The following NEMP2 variants were observed in gnomAD, a reference collection of about 807,000 sequenced individuals.
NEMP2 encodes nuclear envelope integral membrane protein 2.
Under a neutral mutation model 54.2 loss-of-function variants are expected in NEMP2, and 53 were observed. That is an observed-to-expected ratio of 0.98 (90% CI 0.78 to 1.23). NEMP2 has a LOEUF of 1.23. NEMP2 is among the 50% of genes most tolerant of loss of function. NEMP2 has a pLI of 0.00. For synonymous variants in NEMP2, 197 were observed against 190.3 expected (o/e 1.04, Z -0.29); for missense variants, 455 against 511.3 (o/e 0.89, Z 1.06).
At chr2:190,648,315 G>A in the NEMP2 span, 1 of 152,298 alleles carries the variant, frequency 6.6e-6, no homozygotes, top group Non-Finnish European at 1.5e-5. Context: ...GAGGTGGGGA[G>A]GGGGCAAGAT....
rs1690249841 is a variant in NEMP2, at chr2:190,508,582, A to G, written c.*607T>C. 1 of 152,286 alleles carries G rather than the reference A, an allele frequency of 6.6e-6. No homozygotes were observed. Among genetic ancestry groups the G allele is most frequent in the Non-Finnish European group, 1.5e-5 (1 of 68,066 alleles). 9.4% of individuals were successfully genotyped at this position (152,286 alleles called of 1,614,324 possible). ...GTCAAATTAAGCAAGAAACTGCAGC[A>G]CACAATTTCTCCCCTTTGGGAGATT... On this transcript the variant is annotated 3_prime_UTR_variant, in exon 9 of 9. Coordinates refer to ENST00000409150, the MANE Select transcript of NEMP2 (RefSeq NM_001142645.2). This position sits in a 1 kb window ranked among gnomAD's most constrained non-coding sequence, Gnocchi z 4.3.
At chr2:190,450,676 A>C in the NEMP2 span, among the ~76,000 whole-genome samples, 1 of 151,602 alleles carries the variant, frequency 6.6e-6, no homozygotes, top group Non-Finnish European at 1.5e-5. Context: ...TATTTTTTGT[A>C]GAGACGAGGT....
chr2:190,574,881 G>A, the NEMP2 span, among the ~76,000 whole-genome samples: 1 of 139,424 alleles, frequency 7.2e-6, no homozygotes, highest in Admixed American at 7.8e-5. Flanking sequence ...CTTTCACAGA[G>A]TCTCACGCTG....
chr2:190,547,098 G>A, the NEMP2 span, among the ~76,000 whole-genome samples: 23 of 152,282 alleles, frequency 1.5e-4, no homozygotes, highest in Admixed American at 6.5e-4. This position sits in a 1 kb window ranked among gnomAD's most constrained non-coding sequence, Gnocchi z 6.2. Context: ...TCACCTTCTC[G>A]TCAGACTCCT....
the NEMP2 span, among the ~76,000 whole-genome samples, chr2:190,556,251 A>C: frequency 6.6e-6 from 1 of 152,238 alleles, no homozygotes; most frequent in African/African-American, 2.4e-5. Flanking sequence ...CAATAGATGC[A>C]GAAAAGGCCT....
the NEMP2 span, among the ~76,000 whole-genome samples, chr2:190,482,605 TATA>T: frequency 9.2e-5 from 14 of 152,184 alleles, no homozygotes; most frequent in Non-Finnish European, 1.9e-4. Flanking sequence ...TCCCAGCCAT[TATA>T]ATGTGATTTC....
the NEMP2 span, among the ~76,000 whole-genome samples, chr2:190,481,751 G>C: frequency 2.0e-5 from 3 of 152,144 alleles, no homozygotes; most frequent in Admixed American, 2.0e-4. Context: ...TACATCAATA[G>C]GTGTGGGAAT....
chr2:190,559,959 T>A, the NEMP2 span, among the ~76,000 whole-genome samples: 1 of 152,156 alleles, frequency 6.6e-6, no homozygotes, highest in Non-Finnish European at 1.5e-5. The surrounding 1 kb of genome is among the most constrained non-coding windows in gnomAD (Gnocchi z 4.0). Context: ...AGAAGCTCAG[T>A]CCTAAAAGGG....
chr2:190,546,587 A>G, the NEMP2 span, among the ~76,000 whole-genome samples: 3 of 152,276 alleles, frequency 2.0e-5, no homozygotes, highest in East Asian at 5.8e-4. This position sits in a 1 kb window ranked among gnomAD's most constrained non-coding sequence, Gnocchi z 5.1. Flanking sequence ...TTTTGCTTAC[A>G]CTATGCAAAG....
At chr2:190,632,796 T>TA in the NEMP2 span, among the ~76,000 whole-genome samples, 65 of 151,584 alleles carry the variant, frequency 4.3e-4, no homozygotes, top group Non-Finnish European at 8.0e-4. The surrounding 1 kb of genome is among the most constrained non-coding windows in gnomAD (Gnocchi z 4.8). Context: ...TTATGTCAAT[T>TA]AAAAAAAAAT....
At chr2:190,422,711 G>T in the NEMP2 span, among the ~76,000 whole-genome samples, 1 of 152,128 alleles carries the variant, frequency 6.6e-6, no homozygotes, top group Non-Finnish European at 1.5e-5. Context: ...TTAGGTACTA[G>T]GTGGGTCATT....
At chr2:190,457,989 C>T in the NEMP2 span, among the ~76,000 whole-genome samples, 2 of 152,170 alleles carry the variant, frequency 1.3e-5, no homozygotes, top group African/African-American at 4.8e-5. This position sits in a 1 kb window ranked among gnomAD's most constrained non-coding sequence, Gnocchi z 5.1. Flanking sequence ...TTAGGTTGTA[C>T]AAAATGCGAA....
chr2:190,570,990 A>T, the NEMP2 span, among the ~76,000 whole-genome samples: 42,117 of 152,046 alleles, frequency 0.28, 6,616 homozygotes, highest in East Asian at 0.46. This position sits in a 1 kb window ranked among gnomAD's most constrained non-coding sequence, Gnocchi z 5.4. Flanking sequence ...TTTTTGTTGG[A>T]TTTATTAATG....
At chr2:190,499,022 C>T in the NEMP2 span, among the ~76,000 whole-genome samples, 2 of 152,114 alleles carry the variant, frequency 1.3e-5, no homozygotes, top group Non-Finnish European at 2.9e-5. This position sits in a 1 kb window ranked among gnomAD's most constrained non-coding sequence, Gnocchi z 6.0. Context: ...GTGGCGGGTG[C>T]CTGTAATCCC....
At chr2:190,565,891 A>G in the NEMP2 span, among the ~76,000 whole-genome samples, 3 of 152,250 alleles carry the variant, frequency 2.0e-5, no homozygotes, top group East Asian at 5.8e-4. Context: ...GAACAGTGAG[A>G]CTTCCAGCCA....
chr2:190,550,282 A>G, the NEMP2 span, among the ~76,000 whole-genome samples: 1 of 152,154 alleles, frequency 6.6e-6, no homozygotes, highest in Non-Finnish European at 1.5e-5. The surrounding 1 kb of genome is among the most constrained non-coding windows in gnomAD (Gnocchi z 4.7). Context: ...CCTGTTTCCC[A>G]GTTTATAGGT....
chr2:190,572,882 T>C, the NEMP2 span, among the ~76,000 whole-genome samples: 5 of 140,004 alleles, frequency 3.6e-5, no homozygotes, highest in Admixed American at 7.1e-5. Context: ...TATATGTATA[T>C]ATTTTATCTT....
chr2:190,461,778 T>A, the NEMP2 span, among the ~76,000 whole-genome samples: 2 of 152,224 alleles, frequency 1.3e-5, no homozygotes, highest in South Asian at 2.1e-4. This position sits in a 1 kb window ranked among gnomAD's most constrained non-coding sequence, Gnocchi z 5.5. Flanking sequence ...TTTCAACATA[T>A]GAATTTTGGA....
the NEMP2 span, among the ~76,000 whole-genome samples, chr2:190,576,172 TGC>T: frequency 6.6e-6 from 1 of 152,154 alleles, no homozygotes; most frequent in African/African-American, 2.4e-5. Context: ...GGTCTCGCTA[TGC>T]TGCCCAAGCT....
Sources: gnomAD v4.1 joint callset for allele counts (sites outside exome capture counted in the v4.1 genomes callset) on GRCh38, gnomAD v4.1.1 for gene constraint, Gnocchi (gnomAD v3.1) non-coding constraint, MANE v1.5 for transcripts, NCBI Gene and HGNC (gene_info 2026-07-23, HGNC 2026-07-21) for gene names.